Variants in PTPRT observed in about 807,000 individuals in gnomAD.
PTPRT encodes the protein receptor-type tyrosine-protein phosphatase T.
In PTPRT, 56 loss-of-function variants were observed where a neutral mutation model predicts 176.8. The ratio of observed to expected loss-of-function variants is 0.32; its 90% CI spans 0.26 to 0.40. PTPRT has a LOEUF of 0.40. Among genes scored for constraint, PTPRT ranks in the 10% least tolerant of loss-of-function variants. The pLI, the probability that PTPRT is intolerant of heterozygous loss-of-function variation, is 1.00. For synonymous variants in PTPRT, 783 were observed against 739.0 expected (o/e 1.06, Z -0.96); for missense variants, 1,540 against 1,908.2 (o/e 0.81, Z 3.60).
intron 1 of PTPRT, among the ~76,000 whole-genome samples, chr20:43,102,217 C>T (rs763176682): frequency 1.3e-5 from 2 of 151,450 alleles, no homozygotes; most frequent in African/African-American, 4.9e-5. Context: ...CATGTACTTA[C>T]ATTTGAAATA....
chr20:42,673,915 C>A (rs532470254), intron 7 of PTPRT, among the ~76,000 whole-genome samples: 1 of 152,266 alleles, frequency 6.6e-6, no homozygotes, highest in South Asian at 2.1e-4. Context: ...CATGCTATTT[C>A]AATGCTTGCC....
chr20:42,184,575 T>G (rs180910824), intron 16 of PTPRT, among the ~76,000 whole-genome samples: 21 of 138,970 alleles, frequency 1.5e-4, no homozygotes, highest in African/African-American at 5.2e-4. Flanking sequence ...TTCTTCTTCT[T>G]CTTCTTCTTC....
At chr20:42,823,636 AG>A (rs2077940922) in intron 2 of PTPRT, among the ~76,000 whole-genome samples, 1 of 152,212 alleles carries the variant, frequency 6.6e-6, no homozygotes, top group Non-Finnish European at 1.5e-5. Context: ...GCCCATCTGA[AG>A]CCAAAGACAA....
intron 8 of PTPRT, 131 bp downstream of exon 8, chr20:42,472,135 C>T: frequency 9.6e-7 from 1 of 1,043,284 alleles, no homozygotes; most frequent in Non-Finnish European, 1.4e-6. Context: ...TCATTGAAGG[C>T]CTAAGAAAAG....
chr20:42,784,661 A>G (rs2077262847), intron 3 of PTPRT, among the ~76,000 whole-genome samples: 1 of 152,160 alleles, frequency 6.6e-6, no homozygotes, highest in South Asian at 2.1e-4. Context: ...TTCCAGGGAA[A>G]GGGACTGAGT....
intron 16 of PTPRT, among the ~76,000 whole-genome samples, chr20:42,188,673 A>G (rs1990875324): frequency 6.6e-6 from 1 of 152,168 alleles, no homozygotes; most frequent in Admixed American, 6.5e-5. Flanking sequence ...TAGCAACTAT[A>G]TATTTACATC....
intron 6 of PTPRT, among the ~76,000 whole-genome samples, chr20:42,733,553 C>G (rs1415505981): frequency 6.6e-6 from 1 of 152,124 alleles, no homozygotes; most frequent in Non-Finnish European, 1.5e-5. Context: ...AAAGGCAGGT[C>G]GAACTGGAGC....
chr20:42,542,271 C>T (rs1317471882), intron 7 of PTPRT, among the ~76,000 whole-genome samples: 2 of 151,982 alleles, frequency 1.3e-5, no homozygotes, highest in African/African-American at 4.8e-5. Context: ...AAACTTTAAA[C>T]TGAAAAAAGC....
At chr20:42,838,951 C>G (rs954320203) in intron 2 of PTPRT, among the ~76,000 whole-genome samples, 4 of 152,052 alleles carry the variant, frequency 2.6e-5, no homozygotes, top group African/African-American at 9.7e-5. Flanking sequence ...CACCTTTGGT[C>G]CCCAGGGTTG....
intron 1 of PTPRT, among the ~76,000 whole-genome samples, chr20:42,895,971 T>C (rs576139656): frequency 2.6e-5 from 4 of 152,298 alleles, no homozygotes; most frequent in East Asian, 3.9e-4. Context: ...AAAGACTCGA[T>C]TGCAGAATGT....
At chr20:42,678,452 C>A (rs2075547022) in intron 6 of PTPRT, among the ~76,000 whole-genome samples, 1 of 152,170 alleles carries the variant, frequency 6.6e-6, no homozygotes, top group Admixed American at 6.5e-5. Context: ...AGGCACCTGC[C>A]ACCACGGCTG....
intron 6 of PTPRT, among the ~76,000 whole-genome samples, chr20:42,716,601 TG>T (rs1268028664): frequency 1.3e-5 from 2 of 152,236 alleles, no homozygotes; most frequent in Non-Finnish European, 2.9e-5. Context: ...TGGGGTTGTT[TG>T]TTTTTTTCTT....
chr20:42,714,898 G>T (rs1024692992), intron 6 of PTPRT, among the ~76,000 whole-genome samples: 3 of 152,138 alleles, frequency 2.0e-5, no homozygotes, highest in African/African-American at 7.2e-5. Flanking sequence ...CTGCATATTT[G>T]CAAGGTAAAA....
At chr20:42,706,159 A>ATCTC (rs113720952) in intron 6 of PTPRT, among the ~76,000 whole-genome samples, 8 of 141,862 alleles carry the variant, frequency 5.6e-5, no homozygotes, top group East Asian at 4.1e-4. Context: ...GTCTCTCTTT[A>ATCTC]TCTCTCTCTC....
Position 42,073,238 on chromosome 20 carries a change from G to A in PTPRT, c.*7641C>T, listed in dbSNP as rs1387016800. ...GAGGGTGTCCAGAAGCCAAGGCAAT[G>A]GTAGAGGCCACAACTCTTTGTCTTT... On this transcript the variant is annotated 3_prime_UTR_variant, in exon 31 of 31. Transcript: ENST00000373187. 1 of 189,328 alleles carries A rather than the reference G, an allele frequency of 5.3e-6. No individual in the cohort carries two copies. The highest frequency in any genetic ancestry group is 8.4e-5 in the East Asian group (1 of 11,896). The allele number at this position is 189,328 out of a possible 1,614,324, so 11.7% of individuals were successfully genotyped here. A position where few individuals can be genotyped will look rare whatever the true frequency, so the allele number is the denominator to read the frequency against.
At chr20:42,105,947 T>A (rs1201587294) in intron 24 of PTPRT, among the ~76,000 whole-genome samples, 4 of 152,162 alleles carry the variant, frequency 2.6e-5, no homozygotes, top group Non-Finnish European at 4.4e-5. Flanking sequence ...GTTACAGGAA[T>A]GATAAGCCAA....
chr20:42,953,227 G>A (rs1025214051), intron 1 of PTPRT, among the ~76,000 whole-genome samples: 17 of 152,212 alleles, frequency 1.1e-4, no homozygotes, highest in East Asian at 3.9e-4. Context: ...GCATAAAGGC[G>A]GGGAGGGTAG....
At chr20:42,249,398 C>A (rs1016076687) in intron 13 of PTPRT, among the ~76,000 whole-genome samples, 2 of 152,134 alleles carry the variant, frequency 1.3e-5, no homozygotes, top group African/African-American at 4.8e-5. Context: ...TGATCAATTC[C>A]ATTTTTAGCA....
chr20:42,298,233 T>C (rs1243845332), intron 12 of PTPRT, among the ~76,000 whole-genome samples: 1 of 152,142 alleles, frequency 6.6e-6, no homozygotes, highest in Non-Finnish European at 1.5e-5. Context: ...AAAATGGCTA[T>C]TAAGTATAGG....
Sources: allele counts gnomAD v4.1 joint callset (sites outside exome capture counted in the v4.1 genomes callset), GRCh38; gene constraint gnomAD v4.1.1; transcripts MANE v1.5; gene names NCBI Gene and HGNC (gene_info 2026-07-23, HGNC 2026-07-21).